The following MXD3 variants were observed in gnomAD, a reference collection of about 807,000 sequenced individuals.
MXD3 encodes the protein MAX dimerization protein 3.
Under a neutral mutation model 27.5 loss-of-function variants are expected in MXD3, and 20 were observed. The ratio of observed to expected loss-of-function variants is 0.73; its 90% CI spans 0.51 to 1.06. The LOEUF (loss-of-function observed/expected upper bound fraction) is 1.06. MXD3 is among the 50% of genes least tolerant of loss of function. The pLI, the probability that MXD3 is intolerant of heterozygous loss-of-function variation, is 0.00. For missense variants in MXD3, 298 were observed against 291.3 expected, an observed-to-expected ratio of 1.02 and a Z score of -0.17; for synonymous variants, 150 against 130.7, an observed-to-expected ratio of 1.15 and a Z score of -1.01.
downstream of MXD3, chr5:177,306,839 C>T (rs956593804): frequency 2.0e-4 from 147 of 728,132 alleles, no homozygotes; most frequent in Non-Finnish European, 3.0e-4. Context: ...GGTTAACTGG[C>T]GGTAAGTGCT....
downstream of MXD3, chr5:177,306,640 T>C (rs768272201): frequency 1.3e-6 from 2 of 1,539,850 alleles, no homozygotes; most frequent in African/African-American, 2.8e-5. Context: ...CATTGTACTT[T>C]ATCATTAAAA....
At chr5:177,312,588 T>C, upstream of MXD3, 2 of 985,506 alleles carry the variant, frequency 2.0e-6, no homozygotes, top group Non-Finnish European at 2.4e-6. Context: ...CTGCCTGCCA[T>C]CTGCCCCCGA....
downstream of MXD3, chr5:177,306,462 A>C: frequency 1.2e-6 from 2 of 1,614,092 alleles, no homozygotes; most frequent in Non-Finnish European, 1.7e-6. Flanking sequence ...CAGCCAAGGA[A>C]GCCAAGGAGA....
chr5:177,312,041 C>A, upstream of MXD3: 2 of 1,246,744 alleles, frequency 1.6e-6, no homozygotes, highest in Non-Finnish European at 2.0e-6. Flanking sequence ...GCCGCCCCGC[C>A]CCGAGTGGTC....
upstream of MXD3, chr5:177,312,243 G>A: frequency 2.0e-6 from 2 of 987,304 alleles, no homozygotes; most frequent in Non-Finnish European, 2.4e-6. Flanking sequence ...TGGGGGCCTG[G>A]TGGTCCCCTG....
chr5:177,306,136 G>C (rs764877113), downstream of MXD3: 2 of 1,613,936 alleles, frequency 1.2e-6, no homozygotes, highest in Admixed American at 3.3e-5. Flanking sequence ...ACGTGACCAA[G>C]ACTATGAAGG....
At chr5:177,306,756 A>T (rs1760889473), downstream of MXD3, 1 of 1,028,986 alleles carries the variant, frequency 9.7e-7, no homozygotes, top group Non-Finnish European at 1.4e-6. Flanking sequence ...AGGTCTGCTT[A>T]TTCTCCCATT....
intron 4 of MXD3, among the ~76,000 whole-genome samples, chr5:177,309,240 CAGG>C (rs1252911346): frequency 2.6e-5 from 4 of 152,176 alleles, no homozygotes; most frequent in Admixed American, 2.0e-4. Flanking sequence ...GGGTTTTCAG[CAGG>C]AGATGGGCCT....
At chr5:177,312,214 C>A (rs1761055510), upstream of MXD3, 3 of 998,504 alleles carry the variant, frequency 3.0e-6, no homozygotes, top group African/African-American at 3.5e-5. Flanking sequence ...TGACTAGCCC[C>A]CAACATAGCA....
rs1018282828 is a variant in MXD3, at chr5:177,310,432, G to A, written c.315C>T (p.His105=). ...TLSLLRRARM[H]IQKLEDQEQR... The stretch of plus-strand genomic sequence containing the variant: ...GCGCAGTGGGGGGCCTCACCTGGAT[G>A]TGCATCCTGGCACGGCGCAGCAGGC... The change falls in exon 4 of 6, where the codon CAC becomes CAT. Residue 105 remains histidine (H), a synonymous_variant. Transcript: ENST00000439742. The A allele has an allele frequency of 3.1e-6, 5 of 1,610,796 alleles. No homozygotes were observed. The Admixed American group carries it at 6.7e-5, about 22-fold the overall frequency.
intron 2 of MXD3, chr5:177,310,995 G>A: frequency 1.7e-6 from 1 of 578,130 alleles, no homozygotes; most frequent in South Asian, 2.1e-5. Flanking sequence ...GGAAACAGAT[G>A]TTTCCCAAGC....
At chr5:177,307,161 G>T, downstream of MXD3, 1 of 1,548,438 alleles carries the variant, frequency 6.5e-7, no homozygotes, top group South Asian at 1.2e-5. Flanking sequence ...CAGTGGGTCT[G>T]TGGTTGGGAG....
At chr5:177,312,050 T>C, upstream of MXD3, 1 of 1,227,092 alleles carries the variant, frequency 8.1e-7, no homozygotes, top group South Asian at 1.6e-5. Context: ...CCCCGAGTGG[T>C]CTCAGACTTT....
chr5:177,310,617 AGGGCAGTGGCCCCTGG>A, intron 3 of MXD3, 35 bp downstream of exon 3: 1 of 1,613,616 alleles, frequency 6.2e-7, no homozygotes, highest in Non-Finnish European at 8.5e-7. Context: ...GGAAGGCCAG[AGGGCAGTGGCCCCTGG>A]GGGCTGGCGC....
chr5:177,311,997 A>G (rs927483172), upstream of MXD3: 87 of 1,287,448 alleles, frequency 6.8e-5, no homozygotes, highest in Middle Eastern at 1.8e-3. Context: ...GCCCCTCTGG[A>G]ACCCGCCACG....
downstream of MXD3, chr5:177,306,110 G>C: frequency 6.2e-7 from 1 of 1,613,422 alleles, no homozygotes; most frequent in Middle Eastern, 1.7e-4. Flanking sequence ...ATTTGGTCTT[G>C]CCCGATTCAA....
At position 177,311,404 on chromosome 5, in the gene MXD3, C is replaced by G. The variant is rs1353986032; in HGVS notation, c.151G>C (p.Ala51Pro). The stretch of plus-strand genomic sequence containing the variant: ...CGCCCGCTGTCCTGCGCGCCAGGAG[C>G]CTGGGGGGGTCGCTTCTTCCTCCTG... ...IHRRKKRPPQ[A>P]PGAQDSGRSV... Residue 51 changes from alanine (A) to proline (P), a missense_variant, in exon 2 of 6, where the codon GCT (alanine) becomes CCT (proline). Physicochemically the swap from Ala to Pro is conservative, Grantham distance 27. Coordinates refer to ENST00000439742, the MANE Select transcript of MXD3 (RefSeq NM_031300.4). 1 of 1,441,168 alleles carries G rather than the reference C, an allele frequency of 6.9e-7. No homozygotes were observed. Among genetic ancestry groups the G allele is most frequent in the East Asian group, 3.0e-5 (1 of 33,842 alleles). The allele number at this position is 1,441,168 out of a possible 1,614,324, so 89.3% of individuals were successfully genotyped here. A position where few individuals can be genotyped will look rare whatever the true frequency, so the allele number is the denominator to read the frequency against.
rs762119039 is a variant in MXD3, at chr5:177,311,868, G to A, written c.-38C>T. The stretch of plus-strand genomic sequence containing the variant: ...TGGCGGCGGGCCGGCCTAGGGTGCC[G>A]GCCGGAGCAAGCGGCTGCAGCACTT... On this transcript the variant is annotated 5_prime_UTR_variant, in exon 1 of 6. Coordinates refer to ENST00000439742, the MANE Select transcript of MXD3 (RefSeq NM_031300.4). 6.3e-7 allele frequency: 1 copy of A among 1,599,244 alleles called. No homozygotes were observed. Among genetic ancestry groups the A allele is most frequent in the Non-Finnish European group, 8.5e-7 (1 of 1,173,846 alleles).
rs533160184 is a variant in MXD3, at chr5:177,307,639, G to T, written c.570C>A (p.Phe190Leu). ...FGGEAELLRGFVAGQEHSYSH... is the reference protein window; with the variant it reads ...FGGEAELLRGLVAGQEHSYSH... ...AGTAGCTGTGCTCCTGGCCGGCGAC[G>T]AAGCCCCGCAGCAGCTCGGCCTCAC... is the stretch of plus-strand genomic sequence containing the variant. The change falls in exon 6 of 6, where the codon TTC becomes TTA. Residue 190 changes from phenylalanine (F) to leucine (L), a missense_variant. Coordinates refer to ENST00000439742, the MANE Select transcript of MXD3 (RefSeq NM_031300.4). The T allele has an allele frequency of 6.2e-7, 1 of 1,613,372 alleles. No individual in the cohort carries two copies. The highest frequency in any genetic ancestry group is 1.7e-5 in the Admixed American group (1 of 60,016).
Sources: gnomAD v4.1 joint callset for allele counts (sites outside exome capture counted in the v4.1 genomes callset) on GRCh38, gnomAD v4.1.1 for gene constraint, MANE v1.5 for transcripts, NCBI Gene and HGNC (gene_info 2026-07-23, HGNC 2026-07-21) for gene names.